DLGAP2: variants seen among roughly 807,000 people sequenced by gnomAD.
The protein encoded by DLGAP2 is DLG associated protein 2, also known as disks large-associated protein 2.
A neutral mutation model predicts 100.3 loss-of-function variants in DLGAP2; 26 were observed. The ratio of observed to expected loss-of-function variants is 0.26; its 90% CI spans 0.19 to 0.36. The LOEUF (loss-of-function observed/expected upper bound fraction) is 0.36. DLGAP2 is among the 10% of genes least tolerant of loss of function. DLGAP2 has a pLI of 1.00. For synonymous variants in DLGAP2, 886 were observed against 630.1 expected (o/e 1.41, Z -6.08); for missense variants, 1,858 against 1,453.2 (o/e 1.28, Z -4.53).
chr8:1,190,545 G>T (rs1453616063), intron 2 of DLGAP2, among the ~76,000 whole-genome samples: 1 of 152,146 alleles, frequency 6.6e-6, no homozygotes, highest in African/African-American at 2.4e-5. Flanking sequence ...TGGCCGCCCC[G>T]TCCTTGCTTC....
chr8:1,160,410 C>T (rs1306393695), intron 2 of DLGAP2, among the ~76,000 whole-genome samples: 2 of 152,090 alleles, frequency 1.3e-5, no homozygotes, highest in Admixed American at 6.6e-5. Context: ...GGGATGTGGG[C>T]GCGGGCGTGA....
chr8:1,372,479 C>T (rs1440790500), intron 3 of DLGAP2, among the ~76,000 whole-genome samples: 1 of 152,194 alleles, frequency 6.6e-6, no homozygotes, highest in Non-Finnish European at 1.5e-5. Flanking sequence ...GGCTTCTCAC[C>T]CTCAGCTCTC....
chr8:745,012 T>TTTAGGCCATGTCACTGGA (rs1216490162), intron 1 of DLGAP2, among the ~76,000 whole-genome samples: 1 of 152,070 alleles, frequency 6.6e-6, no homozygotes, highest in Non-Finnish European at 1.5e-5. Flanking sequence ...GCCGCAGGGT[T>TTTAGGCCATGTCACTGGA]TTAGGCCATG....
At chr8:1,660,857 A>G (rs1355290902) in intron 8 of DLGAP2, among the ~76,000 whole-genome samples, 2 of 152,206 alleles carry the variant, frequency 1.3e-5, no homozygotes, top group African/African-American at 4.8e-5. Flanking sequence ...TTTTTGAGAG[A>G]ACCTGAAGTT....
Position 1,697,217 on chromosome 8 carries a change from T to C in DLGAP2, c.2867T>C (p.Ile956Thr), listed in dbSNP as rs772505544. 6.8e-6 allele frequency: 11 copies of C among 1,611,834 alleles called. No homozygotes were observed. Among genetic ancestry groups the C allele is most frequent in the East Asian group, 6.7e-5 (3 of 44,790 alleles). The change falls in exon 14 of 15, where the codon ATT becomes ACT. Residue 956 changes from isoleucine to threonine, a missense_variant. By Grantham distance (89) the Ile-to-Thr change is moderately conservative. Transcript: ENST00000637795. ...TACTGGGACATGCTGCAGCTCTCCA[T>C]TGAGGACGTCAGCATGAAGTTCGAC... ...AGYWDMLQLS[I>T]EDVSMKFDEL...
chr8:1,673,297 G>C (rs902578047), intron 10 of DLGAP2, among the ~76,000 whole-genome samples: 4 of 152,034 alleles, frequency 2.6e-5, no homozygotes, highest in African/African-American at 7.2e-5. Flanking sequence ...AATTTCCTTT[G>C]GAAAAGACTC....
intron 2 of DLGAP2, among the ~76,000 whole-genome samples, chr8:1,017,502 G>C (rs1428019670): frequency 9.3e-6 from 1 of 107,540 alleles, no homozygotes; most frequent in Non-Finnish European, 1.8e-5. Context: ...TCCACTGTGT[G>C]TGTGACCAGG....
At chr8:1,085,580 A>G (rs1477151834) in intron 2 of DLGAP2, among the ~76,000 whole-genome samples, 4 of 152,150 alleles carry the variant, frequency 2.6e-5, no homozygotes, top group Admixed American at 2.6e-4. Context: ...CAAGCTGTGC[A>G]TGTGTGGGTT....
chr8:1,617,959 A>G (rs777696749), intron 6 of DLGAP2, among the ~76,000 whole-genome samples: 1 of 152,244 alleles, frequency 6.6e-6, no homozygotes, highest in Admixed American at 6.5e-5. Context: ...TGGAATAAGT[A>G]AGTAAAAGGC....
At chr8:1,526,623 A>C (rs767237784) in intron 4 of DLGAP2, among the ~76,000 whole-genome samples, 6 of 152,184 alleles carry the variant, frequency 3.9e-5, no homozygotes, top group Non-Finnish European at 8.8e-5. Context: ...TCTGCCACTG[A>C]AGACAAAGGC....
intron 2 of DLGAP2, among the ~76,000 whole-genome samples, chr8:1,163,987 ACT>A (rs1796943678): frequency 6.6e-6 from 1 of 152,048 alleles, no homozygotes; most frequent in Admixed American, 6.5e-5. Flanking sequence ...GCCCTCTAAG[ACT>A]CAGTGTTCAG....
intron 2 of DLGAP2, among the ~76,000 whole-genome samples, chr8:1,173,552 G>T (rs565163431): frequency 1.3e-5 from 2 of 152,174 alleles, no homozygotes; most frequent in African/African-American, 4.8e-5. Flanking sequence ...GGAGCTTCCC[G>T]GTTGCTTTGT....
rs747650114 is a variant in DLGAP2 at position 1,549,536 on chromosome 8, C to G, written c.1083C>G (p.Pro361=). 1.2e-6 allele frequency: 2 copies of G among 1,613,346 alleles called. No homozygotes were observed. Among genetic ancestry groups the G allele is most frequent in the Non-Finnish European group, 1.7e-6 (2 of 1,179,856 alleles). The change falls in exon 5 of 15, where the codon CCC becomes CCG. Residue 361 remains proline, a synonymous_variant. Coordinates refer to ENST00000637795, the MANE Select transcript of DLGAP2 (RefSeq NM_001346810.2). ...CCTGTGAGGGGTTGGCGCTGACGCC[C>G]GACGCCAAGTACCTGAAGCGCAGCT... ...CSACEGLALT[P]DAKYLKRSSW...
chr8:1,032,013 G>C (rs992313112), intron 2 of DLGAP2, among the ~76,000 whole-genome samples: 3 of 152,184 alleles, frequency 2.0e-5, no homozygotes, highest in Middle Eastern at 3.2e-3. Flanking sequence ...GTGGTTCGTG[G>C]GAGCTGATTA....
At chr8:1,194,357 C>A (rs935826) in intron 2 of DLGAP2, among the ~76,000 whole-genome samples, 29 of 151,754 alleles carry the variant, frequency 1.9e-4, no homozygotes, top group Non-Finnish European at 2.9e-5. Flanking sequence ...GGCAGACAGT[C>A]AGTGGTCGGT....
intron 5 of DLGAP2, among the ~76,000 whole-genome samples, chr8:1,564,358 G>A (rs1334852101): frequency 2.0e-5 from 3 of 152,196 alleles, no homozygotes; most frequent in African/African-American, 7.2e-5. Context: ...ACAGAATACT[G>A]GCCTGCACTG....
chr8:1,492,520 G>C (rs186981620), intron 3 of DLGAP2, among the ~76,000 whole-genome samples: 4 of 152,236 alleles, frequency 2.6e-5, no homozygotes, highest in Non-Finnish European at 5.9e-5. Flanking sequence ...TCCGGAAGCA[G>C]CTCCTGTGGG....
chr8:1,271,053 A>C (rs891581022), intron 3 of DLGAP2, among the ~76,000 whole-genome samples: 6 of 152,222 alleles, frequency 3.9e-5, no homozygotes, highest in Admixed American at 2.6e-4. Flanking sequence ...TGCAATTCTC[A>C]AATTCTTTCC....
At position 845,642 on chromosome 8, in the gene DLGAP2, T is replaced by C. The variant is rs146518299; in HGVS notation, c.19-62270T>C. ...CCTTCACTTTTCTTGATGGTGTTCT[T>C]TGAAGCATAGATGTTTTAAATTTTG... is the stretch of plus-strand genomic sequence containing the variant. On this transcript the variant is annotated intron_variant, in intron 1 of 14. Coordinates refer to ENST00000637795, the MANE Select transcript of DLGAP2 (RefSeq NM_001346810.2). Among the ~76,000 whole-genome samples, 46 of 152,380 alleles carry C rather than the reference T, an allele frequency of 3.0e-4. No individual in the cohort carries two copies. The East Asian group carries it at 8.7e-3, about 29-fold the overall frequency.
Sources: allele counts gnomAD v4.1 joint callset (sites outside exome capture counted in the v4.1 genomes callset), GRCh38; gene constraint gnomAD v4.1.1; transcripts MANE v1.5; gene names NCBI Gene and HGNC (gene_info 2026-07-23, HGNC 2026-07-21).